TULP4: variants seen among roughly 807,000 people sequenced by gnomAD.
TULP4 encodes the protein TUB like protein 4.
A neutral mutation model predicts 129.0 loss-of-function variants in TULP4; 16 were observed. That is an observed-to-expected ratio of 0.12 (90% CI 0.08 to 0.19). The LOEUF (loss-of-function observed/expected upper bound fraction) is 0.19, where lower values mean the gene tolerates loss of function less well. TULP4 is among the 10% of genes least tolerant of loss of function. TULP4 has a pLI of 1.00. For synonymous variants in TULP4, 998 were observed against 854.0 expected (o/e 1.17, Z -2.94); for missense variants, 1,842 against 2,059.1 (o/e 0.89, Z 2.04).
intron 1 of TULP4, among the ~76,000 whole-genome samples, chr6:158,295,375 T>G (rs1031271270): frequency 6.6e-6 from 1 of 152,138 alleles, no homozygotes; most frequent in Non-Finnish European, 1.5e-5. Flanking sequence ...AAAACTTCCT[T>G]ACTAATTTTT....
chr6:158,470,655 A>G (rs17503664), intron 6 of TULP4, among the ~76,000 whole-genome samples: 5,857 of 152,356 alleles, frequency 0.038, 166 homozygotes, highest in South Asian at 0.091. Flanking sequence ...ATTAAAGGAA[A>G]TATGTCAAAC....
intron 1 of TULP4, among the ~76,000 whole-genome samples, chr6:158,291,544 A>G (rs1018787600): frequency 3.3e-5 from 5 of 152,088 alleles, no homozygotes; most frequent in South Asian, 2.1e-4. Flanking sequence ...CCTGCGTGGC[A>G]TATATTGTGC....
intron 1 of TULP4, among the ~76,000 whole-genome samples, chr6:158,345,315 A>G (rs747629307): frequency 5.9e-5 from 9 of 152,196 alleles, no homozygotes; most frequent in Non-Finnish European, 1.0e-4. Flanking sequence ...TGCCTGGCTA[A>G]TAGACAAGAT....
At chr6:158,475,183 G>C (rs961109198) in intron 6 of TULP4, among the ~76,000 whole-genome samples, 3 of 152,356 alleles carry the variant, frequency 2.0e-5, no homozygotes, top group East Asian at 1.9e-4. Context: ...GGGCTGGCCC[G>C]CATCTTTTCC....
upstream of TULP4, among the ~76,000 whole-genome samples, chr6:158,279,122 T>G (rs1778701777): frequency 6.6e-6 from 1 of 151,852 alleles, no homozygotes; most frequent in Non-Finnish European, 1.5e-5. Context: ...TTTTGTATTT[T>G]TAGTAGAGAC....
chr6:158,282,550 C>T (rs1165266232), intron 1 of TULP4, among the ~76,000 whole-genome samples: 1 of 150,944 alleles, frequency 6.6e-6, no homozygotes, highest in African/African-American at 2.4e-5. Flanking sequence ...CCGGTGTCTA[C>T]TCTTTGATTT....
Position 158,457,067 on chromosome 6 carries a change from A to C in TULP4, c.860-4496A>C, listed in dbSNP as rs538093220. On this transcript the variant is annotated intron_variant, in intron 5 of 13. Transcript: ENST00000367097. ...GTAAATACTGGGATGAGACAACCAG[A>C]ATACTGTTGGAGACGGCACATGGCA... Among the ~76,000 whole-genome samples the C allele has an allele frequency of 2.0e-5, 3 of 152,262 alleles. No homozygotes were observed. In the East Asian group the frequency reaches 5.8e-4, roughly 29 times the overall value.
At chr6:158,422,120 T>G (rs1289463661) in intron 2 of TULP4, among the ~76,000 whole-genome samples, 1 of 151,856 alleles carries the variant, frequency 6.6e-6, no homozygotes, top group Admixed American at 6.6e-5. Context: ...TAAGAAATAA[T>G]AAAAATGAAA....
chr6:158,283,100 C>T (rs1159915017), intron 1 of TULP4, among the ~76,000 whole-genome samples: 7 of 150,276 alleles, frequency 4.7e-5, no homozygotes, highest in African/African-American at 1.7e-4. Context: ...CATCCCACCA[C>T]TGCACTGCAG....
At position 158,506,991 on chromosome 6, in the gene TULP4, C is replaced by G. The variant is rs1242967037; in HGVS notation, c.*297C>G. 3 of 383,660 alleles carry G rather than the reference C, an allele frequency of 7.8e-6. No homozygotes were observed. The highest frequency in any genetic ancestry group is 2.8e-5 in the South Asian group (1 of 35,258). The allele number at this position is 383,660 out of a possible 1,614,324, so 23.8% of individuals were successfully genotyped here. A position where few individuals can be genotyped will look rare whatever the true frequency, so the allele number is the denominator to read the frequency against. ...GAAACAGCTTGGCTGTGGTAATGCTCTACTGGGCCCTTCAGAATGAAGACA... is the reference window on the plus strand; with the variant it reads ...GAAACAGCTTGGCTGTGGTAATGCTGTACTGGGCCCTTCAGAATGAAGACA... On this transcript the variant is annotated 3_prime_UTR_variant, in exon 14 of 14. Transcript: ENST00000367097.
intron 1 of TULP4, among the ~76,000 whole-genome samples, chr6:158,258,254 ACT>A (rs1377474787): frequency 1.3e-5 from 2 of 151,888 alleles, no homozygotes; most frequent in Non-Finnish European, 2.9e-5. Flanking sequence ...CCAGGAGGAC[ACT>A]CTTTCTTTCT....
chr6:158,425,573 T>C (rs1778468229), intron 2 of TULP4, among the ~76,000 whole-genome samples: 1 of 150,894 alleles, frequency 6.6e-6, no homozygotes, highest in African/African-American at 2.4e-5. Context: ...CGTAACCACT[T>C]AGTTTTTTTG....
chr6:158,461,447 T>G, intron 5 of TULP4, 116 bp from the exon 6 acceptor site: 8 of 983,352 alleles, frequency 8.1e-6, no homozygotes, highest in African/African-American at 1.6e-5. Flanking sequence ...ATGAATATAT[T>G]TTTGTTGTAT....
At chr6:158,243,424 C>CGT (rs370737011) in intron 1 of TULP4, among the ~76,000 whole-genome samples, 22,886 of 148,452 alleles carry the variant, frequency 0.15, 2,309 homozygotes, top group East Asian at 0.42. Context: ...TGGGCGTGTA[C>CGT]GTGTGTGTGT....
chr6:158,275,565 C>G (rs892286219), intron 1 of TULP4, among the ~76,000 whole-genome samples: 5 of 152,176 alleles, frequency 3.3e-5, no homozygotes, highest in Non-Finnish European at 7.3e-5. Context: ...CCATTCTAAC[C>G]CACGGCAGCG....
chr6:158,387,107 A>G (rs1777465991), intron 1 of TULP4, among the ~76,000 whole-genome samples: 1 of 152,202 alleles, frequency 6.6e-6, no homozygotes, highest in South Asian at 2.1e-4. Flanking sequence ...GCTGCTCCCC[A>G]GTCCTCAGAA....
At chr6:158,368,430 G>GT (rs1776994387) in intron 1 of TULP4, among the ~76,000 whole-genome samples, 1 of 152,144 alleles carries the variant, frequency 6.6e-6, no homozygotes, top group African/African-American at 2.4e-5. Context: ...AGCCTCCCAA[G>GT]TAGCTGGGTA....
chr6:158,398,617 A>G (rs954730196), intron 1 of TULP4: 6 of 152,222 alleles, frequency 3.9e-5, no homozygotes, highest in African/African-American at 1.4e-4. Context: ...CCTTCTTACT[A>G]ATTTTTAAAA....
chr6:158,325,709 C>G (rs913103389), intron 1 of TULP4, among the ~76,000 whole-genome samples: 1 of 152,110 alleles, frequency 6.6e-6, no homozygotes, highest in Non-Finnish European at 1.5e-5. Context: ...AGGAACCTTT[C>G]TAGCAAAGAG....
Sources: allele counts gnomAD v4.1 joint callset (sites outside exome capture counted in the v4.1 genomes callset), GRCh38; gene constraint gnomAD v4.1.1; transcripts MANE v1.5; gene names NCBI Gene and HGNC (gene_info 2026-07-23, HGNC 2026-07-21).